SPECC1: variants seen among roughly 807,000 people sequenced by gnomAD.
SPECC1 encodes sperm antigen with calponin homology and coiled-coil domains 1, also known as cytospin-B.
In SPECC1, 62 loss-of-function variants were observed where a neutral mutation model predicts 104.1. The ratio of observed to expected loss-of-function variants is 0.60; its 90% CI spans 0.49 to 0.74. The LOEUF (loss-of-function observed/expected upper bound fraction) is 0.74, where lower values mean the gene tolerates loss of function less well. Ranked by LOEUF, SPECC1 falls within the 30% of genes least tolerant of loss-of-function variation. SPECC1 has a pLI of 0.00. For missense variants in SPECC1, 1,306 were observed against 1,310.5 expected (o/e 1.00, Z 0.05); for synonymous variants, 513 against 501.6 (o/e 1.02, Z -0.30).
chr17:20,243,441 G>T (rs1452352634), intron 7 of SPECC1, among the ~76,000 whole-genome samples: 1 of 152,142 alleles, frequency 6.6e-6, no homozygotes, highest in East Asian at 1.9e-4. Flanking sequence ...CTGGTGTAAG[G>T]ATTTTCAGCC....
At position 20,314,121 on chromosome 17, in the gene SPECC1, C is replaced by A. The variant is rs894873513; in HGVS notation, c.*56C>A. 1.4e-6 allele frequency: 2 copies of A among 1,466,104 alleles called. No individual in the cohort carries two copies. The highest frequency in any genetic ancestry group is 2.3e-5 in the East Asian group (1 of 43,064). The allele number at this position is 1,466,104 out of a possible 1,614,324, so 90.8% of individuals were successfully genotyped here. ...CACCTACTGCAGCTTTTCCTGGAAG[C>A]GCCTGATTACTGTCCACTGACCCTG... is the stretch of plus-strand genomic sequence containing the variant. On this transcript the variant is annotated 3_prime_UTR_variant, in exon 15 of 15. Transcript: ENST00000395527.
intron 12 of SPECC1, among the ~76,000 whole-genome samples, chr17:20,274,507 C>CTTTTTTTTTTTTTTTTT (rs1162367833): frequency 1.4e-4 from 18 of 131,460 alleles, no homozygotes; most frequent in East Asian, 6.7e-4. Flanking sequence ...TTTCTTTTTT[C>CTTTTTTTTTTTTTTTTT]TTTTTTTTTT....
At chr17:20,167,464 A>G (rs1443040655) in intron 3 of SPECC1, among the ~76,000 whole-genome samples, 2 of 152,134 alleles carry the variant, frequency 1.3e-5, no homozygotes, top group African/African-American at 4.8e-5. Flanking sequence ...CGGATCACCA[A>G]AGTCAGGAGT....
chr17:20,191,333 G>C (rs2035655328), intron 3 of SPECC1, among the ~76,000 whole-genome samples: 1 of 152,230 alleles, frequency 6.6e-6, no homozygotes, highest in African/African-American at 2.4e-5. Context: ...GAATTATTTT[G>C]CGTTCCTACC....
At chr17:20,214,788 G>A (rs1363263962) in intron 4 of SPECC1, among the ~76,000 whole-genome samples, 2 of 152,180 alleles carry the variant, frequency 1.3e-5, no homozygotes, top group East Asian at 3.9e-4. Flanking sequence ...GATTACAGGC[G>A]TGAGCCACTG....
In SPECC1 at chr17:20,315,876, T is replaced by C. The variant is rs182068255; in HGVS notation, c.*1811T>C. On this transcript the variant is annotated 3_prime_UTR_variant, in exon 15 of 15. Coordinates refer to ENST00000395527, the MANE Select transcript of SPECC1 (RefSeq NM_001243439.2). ...ACAGTGGACCCTTTTGAAAACACTC[T>C]TGGCTGCCCTAGTTGGTTAACTTCA... 4.3e-6 allele frequency: 1 copy of C among 232,716 alleles called. No individual in the cohort carries two copies. Among genetic ancestry groups the C allele is most frequent in the East Asian group, 6.1e-5 (1 of 16,498 alleles). 14.4% of individuals were successfully genotyped at this position (232,716 alleles called of 1,614,324 possible).
chr17:20,258,405 G>A (rs1375704872), intron 11 of SPECC1, among the ~76,000 whole-genome samples: 1 of 152,102 alleles, frequency 6.6e-6, no homozygotes, highest in Non-Finnish European at 1.5e-5. Flanking sequence ...AGTGCCCCTG[G>A]TCGCCCAGGC....
intron 2 of SPECC1, among the ~76,000 whole-genome samples, chr17:20,108,891 C>T (rs956907971): frequency 6.6e-5 from 10 of 152,178 alleles, no homozygotes; most frequent in Admixed American, 6.5e-4. Context: ...TGCCTTTCAG[C>T]AAATGTTTGT....
At chr17:20,132,986 G>A (rs1290629546) in intron 3 of SPECC1, among the ~76,000 whole-genome samples, 1 of 152,150 alleles carries the variant, frequency 6.6e-6, no homozygotes, top group African/African-American at 2.4e-5. Context: ...TGATCCTGCC[G>A]CCTCGGCCTC....
At chr17:20,134,731 G>A (rs1303506502) in intron 3 of SPECC1, among the ~76,000 whole-genome samples, 2 of 152,124 alleles carry the variant, frequency 1.3e-5, no homozygotes, top group African/African-American at 4.8e-5. Flanking sequence ...GAATATAGGT[G>A]TGAGCCACTG....
intron 12 of SPECC1, among the ~76,000 whole-genome samples, chr17:20,290,870 G>A (rs2041141504): frequency 6.6e-6 from 1 of 152,200 alleles, no homozygotes; most frequent in Non-Finnish European, 1.5e-5. Context: ...GGGAGATGGT[G>A]GCATTGTTGA....
At chr17:20,273,800 A>T (rs2040488073) in intron 12 of SPECC1, among the ~76,000 whole-genome samples, 1 of 152,052 alleles carries the variant, frequency 6.6e-6, no homozygotes, top group Admixed American at 6.5e-5. Context: ...TCGGTCTGTT[A>T]TGTTAGTTAT....
intron 3 of SPECC1, among the ~76,000 whole-genome samples, chr17:20,148,852 C>T (rs1441960661): frequency 6.6e-6 from 1 of 151,936 alleles, no homozygotes; most frequent in Non-Finnish European, 1.5e-5. Context: ...CCCGAGTAGC[C>T]GAGATTACAG....
Position 20,060,193 on chromosome 17 carries a change from C to A in SPECC1, c.-21-36438C>A, listed in dbSNP as rs1335668548. On this transcript the variant is annotated intron_variant, in intron 1 of 14. Transcript: ENST00000395527. Reference sequence around the variant, plus strand: ...TCAATGACGCCTCTATAGTTGTGGTCTTTTCCTTTTGGTAATGAAGTGCAT... The same window carrying A: ...TCAATGACGCCTCTATAGTTGTGGTATTTTCCTTTTGGTAATGAAGTGCAT... 2.0e-5 allele frequency among the ~76,000 whole-genome samples: 3 copies of A among 152,042 alleles called. No individual in the cohort carries two copies. The East Asian group carries it at 5.8e-4, about 29-fold the overall frequency.
intron 13 of SPECC1, among the ~76,000 whole-genome samples, chr17:20,304,322 C>A (rs1460282447): frequency 7.4e-6 from 1 of 134,692 alleles, no homozygotes; most frequent in Admixed American, 7.5e-5. Context: ...GAACTTAAAA[C>A]TGAATATGTA....
intron 3 of SPECC1, chr17:20,155,767 T>G: frequency 3.2e-6 from 1 of 314,502 alleles, no homozygotes; most frequent in South Asian, 1.2e-4. Flanking sequence ...CAGCCTACCT[T>G]GTGCAGCTGC....
intron 6 of SPECC1, 104 bp from the exon 7 acceptor site, chr17:20,232,096 G>T: frequency 7.3e-7 from 1 of 1,363,560 alleles, no homozygotes; most frequent in South Asian, 1.3e-5. Flanking sequence ...ACCAAGCACT[G>T]ATGGCATTTT....
At chr17:20,109,942 T>C (rs1454491261) in intron 2 of SPECC1, among the ~76,000 whole-genome samples, 1 of 152,078 alleles carries the variant, frequency 6.6e-6, no homozygotes, top group Non-Finnish European at 1.5e-5. Flanking sequence ...TACTGCAACC[T>C]TGAACTTCTG....
intron 4 of SPECC1, among the ~76,000 whole-genome samples, chr17:20,222,188 C>T (rs1050327958): frequency 6.6e-6 from 1 of 152,044 alleles, no homozygotes; most frequent in Admixed American, 6.5e-5. Context: ...ACAAAATTAG[C>T]TGGGTGTGGT....
Sources: gnomAD v4.1 joint callset for allele counts (sites outside exome capture counted in the v4.1 genomes callset) on GRCh38, gnomAD v4.1.1 for gene constraint, MANE v1.5 for transcripts, NCBI Gene and HGNC (gene_info 2026-07-23, HGNC 2026-07-21) for gene names.